Variants in GRM8 observed in about 807,000 individuals in gnomAD.
GRM8 encodes metabotropic glutamate receptor 8.
Under a neutral mutation model 87.2 loss-of-function variants are expected in GRM8, and 47 were observed. The observed-to-expected ratio is 0.54, with a 90% CI of 0.43 to 0.69. The LOEUF (loss-of-function observed/expected upper bound fraction) is 0.69. Among genes scored for constraint, GRM8 ranks in the 30% least tolerant of loss-of-function variants. The pLI, the probability that GRM8 is intolerant of heterozygous loss-of-function variation, is 0.00. For synonymous variants in GRM8, 396 were observed against 404.5 expected (o/e 0.98, Z 0.25); for missense variants, 1,019 against 1,139.2 (o/e 0.89, Z 1.52).
rs528882244 is a variant in GRM8, at chr7:126,565,823, G to A, written c.1495-31936C>T. Among the ~76,000 whole-genome samples the A allele has an allele frequency of 5.1e-4, 78 of 152,118 alleles. 1 individual carries two copies. The South Asian group carries it at 5.4e-3, about 11-fold the overall frequency. On this transcript the variant is annotated intron_variant, in intron 8 of 10. Transcript: ENST00000339582. ...ACAAAAATCAAAATGATAAGGTACT[G>A]GTATAAATACAGACATATAAGCCAA...
intron 6 of GRM8, among the ~76,000 whole-genome samples, chr7:126,827,827 A>C (rs905898805): frequency 6.6e-6 from 1 of 152,218 alleles, no homozygotes; most frequent in African/African-American, 2.4e-5. Context: ...TTGCCCATTC[A>C]GTATGATATT....
At chr7:126,762,381 G>A (rs943223854) in intron 7 of GRM8, among the ~76,000 whole-genome samples, 2 of 151,550 alleles carry the variant, frequency 1.3e-5, no homozygotes, top group African/African-American at 4.8e-5. Flanking sequence ...GGATGGGCTC[G>A]CAACACAGAA....
chr7:127,017,185 A>G (rs1447440184), intron 3 of GRM8, among the ~76,000 whole-genome samples: 1 of 152,092 alleles, frequency 6.6e-6, no homozygotes, highest in African/African-American at 2.4e-5. Context: ...TCAATACTGC[A>G]GAAGTTGTCC....
intron 3 of GRM8, 145 bp downstream of exon 3, chr7:127,106,351 C>T: frequency 1.6e-6 from 1 of 641,788 alleles, no homozygotes; most frequent in East Asian, 2.7e-5. Flanking sequence ...TATAATAAAC[C>T]CAGCTTCCCT....
At chr7:127,026,015 T>C (rs1038227845) in intron 3 of GRM8, among the ~76,000 whole-genome samples, 84 of 151,876 alleles carry the variant, frequency 5.5e-4, no homozygotes, top group African/African-American at 2.0e-3. Context: ...CCCTGCCCCC[T>C]GACAGGCCCT....
At chr7:126,481,167 G>A (rs1490232619) in intron 9 of GRM8, among the ~76,000 whole-genome samples, 4 of 151,942 alleles carry the variant, frequency 2.6e-5, no homozygotes, top group Non-Finnish European at 5.9e-5. Context: ...GAAGAGAAAG[G>A]AAAGCTTTTC....
chr7:127,194,632 C>A (rs1424385033), intron 2 of GRM8, among the ~76,000 whole-genome samples: 1 of 151,966 alleles, frequency 6.6e-6, no homozygotes, highest in East Asian at 1.9e-4. Context: ...CCAACAAAAC[C>A]CTTAATGTTT....
chr7:127,252,028 A>G lies in GRM8; in HGVS notation c.-312+769T>C, dbSNP rs1258224687. 6.6e-6 allele frequency: 1 copy of G among 152,096 alleles called. No individual in the cohort carries two copies. The highest frequency in any genetic ancestry group is 1.9e-4 in the East Asian group (1 of 5,160). The allele number at this position is 152,096 out of a possible 1,614,324, so 9.4% of individuals were successfully genotyped here. On this transcript the variant is annotated intron_variant, in intron 1 of 10. Coordinates refer to ENST00000339582, the MANE Select transcript of GRM8 (RefSeq NM_000845.3). This position sits in a 1 kb window ranked among gnomAD's most constrained non-coding sequence, Gnocchi z 4.9. ...CATCCTCCCTAGATCCTGGTTAGAC[A>G]TCCATCCAGCCCACGCTCAGAGGGC...
At chr7:127,146,433 G>T (rs369012927) in intron 2 of GRM8, among the ~76,000 whole-genome samples, 43 of 152,126 alleles carry the variant, frequency 2.8e-4, no homozygotes, top group African/African-American at 8.2e-4. Context: ...CGGCAAAAGT[G>T]AGCCTCAGAA....
At chr7:126,676,043 G>C (rs1806921414) in intron 7 of GRM8, among the ~76,000 whole-genome samples, 1 of 152,154 alleles carries the variant, frequency 6.6e-6, no homozygotes, top group African/African-American at 2.4e-5. Context: ...TGAAGTCTCA[G>C]GTTATAAAAC....
chr7:126,629,541 TTACA>T, intron 7 of GRM8, among the ~76,000 whole-genome samples: 1 of 152,144 alleles, frequency 6.6e-6, no homozygotes, highest in Admixed American at 6.6e-5. Flanking sequence ...GTTTGCAGAA[TTACA>T]GTGAGCCAAT....
At chr7:126,476,018 CA>C (rs1377734532) in intron 9 of GRM8, among the ~76,000 whole-genome samples, 1 of 152,036 alleles carries the variant, frequency 6.6e-6, no homozygotes, top group Non-Finnish European at 1.5e-5. Flanking sequence ...GCATAAAACA[CA>C]GGGAAAAGCT....
At chr7:126,954,651 A>G (rs1267530218) in intron 3 of GRM8, among the ~76,000 whole-genome samples, 1 of 152,184 alleles carries the variant, frequency 6.6e-6, no homozygotes, top group East Asian at 1.9e-4. Flanking sequence ...AAGCAATTTA[A>G]TGTCCTTACT....
chr7:126,724,187 TAATTGTTCACCA>T (rs932427826), intron 7 of GRM8, among the ~76,000 whole-genome samples: 1 of 152,160 alleles, frequency 6.6e-6, no homozygotes, highest in African/African-American at 2.4e-5. Context: ...GAAGATTAGC[TAATTGTTCACCA>T]AACTGTACCT....
intron 9 of GRM8, among the ~76,000 whole-genome samples, chr7:126,452,577 G>A (rs569549340): frequency 6.6e-6 from 1 of 151,358 alleles, no homozygotes; most frequent in Non-Finnish European, 1.5e-5. Context: ...AACAGATACT[G>A]AAACTACAAA....
intron 3 of GRM8, among the ~76,000 whole-genome samples, chr7:126,943,943 A>C (rs1807249691): frequency 6.6e-6 from 1 of 152,220 alleles, no homozygotes; most frequent in Non-Finnish European, 1.5e-5. Context: ...TGCTTGATGA[A>C]AGTTTAAATA....
At chr7:126,470,287 C>A (rs898518055) in intron 9 of GRM8, among the ~76,000 whole-genome samples, 6 of 150,350 alleles carry the variant, frequency 4.0e-5, no homozygotes, top group African/African-American at 9.8e-5. Flanking sequence ...GGTGCTGCAC[C>A]CATTAACTCA....
chr7:126,766,508 T>G (rs1185792100), intron 7 of GRM8, among the ~76,000 whole-genome samples: 1 of 152,126 alleles, frequency 6.6e-6, no homozygotes, highest in Admixed American at 6.6e-5. Context: ...AATGGGTCAA[T>G]TTTTTTAATT....
chr7:126,634,524 C>A (rs1207478518), intron 7 of GRM8, among the ~76,000 whole-genome samples: 1 of 152,038 alleles, frequency 6.6e-6, no homozygotes, highest in African/African-American at 2.4e-5. Context: ...TATCTTAAAC[C>A]CCTATAGTAT....
Sources: allele counts gnomAD v4.1 joint callset (sites outside exome capture counted in the v4.1 genomes callset), GRCh38; gene constraint gnomAD v4.1.1; non-coding constraint Gnocchi (gnomAD v3.1); transcripts MANE v1.5; gene names NCBI Gene and HGNC (gene_info 2026-07-23, HGNC 2026-07-21).